The following CDH17 variants were observed in gnomAD, a reference collection of about 807,000 sequenced individuals.
CDH17 encodes cadherin-17.
Under a neutral mutation model 86.3 loss-of-function variants are expected in CDH17, and 67 were observed. The observed-to-expected ratio is 0.78, with a 90% confidence interval of 0.64 to 0.95. The LOEUF (loss-of-function observed/expected upper bound fraction) is 0.95, where lower values mean the gene tolerates loss of function less well. CDH17 is among the 40% of genes least tolerant of loss of function. CDH17 has a pLI of 0.00. For missense variants in CDH17, 993 were observed against 1,017.6 expected (o/e 0.98, Z 0.33); for synonymous variants, 367 against 366.4 (o/e 1.00, Z -0.02).
intron 1 of CDH17, among the ~76,000 whole-genome samples, chr8:94,207,445 G>A (rs1351998632): frequency 6.6e-6 from 1 of 152,170 alleles, no homozygotes; most frequent in African/African-American, 2.4e-5. Context: ...TGTGCCCACA[G>A]GTTGGAAAAT....
chr8:94,151,209 A>G (rs1812848852), intron 13 of CDH17, among the ~76,000 whole-genome samples: 1 of 152,110 alleles, frequency 6.6e-6, no homozygotes, highest in African/African-American at 2.4e-5. Context: ...TAGATATTAT[A>G]CAGATATATA....
At chr8:94,182,818 A>G (rs918641319) in intron 3 of CDH17, among the ~76,000 whole-genome samples, 5 of 152,122 alleles carry the variant, frequency 3.3e-5, no homozygotes, top group African/African-American at 1.2e-4. Context: ...ATAAAAAAAT[A>G]AAACTATCAC....
chr8:94,177,499 G>T (rs1348107432), intron 4 of CDH17, 88 bp downstream of exon 4: 7 of 1,377,644 alleles, frequency 5.1e-6, no homozygotes, highest in African/African-American at 1.4e-5. Context: ...TGGATTCTGT[G>T]CAAGGAAGGA....
intron 15 of CDH17, among the ~76,000 whole-genome samples, chr8:94,145,611 T>A (rs1004254442): frequency 6.6e-6 from 1 of 152,188 alleles, no homozygotes; most frequent in Non-Finnish European, 1.5e-5. Flanking sequence ...TGAATATATA[T>A]ATCTATCTCA....
chr8:94,141,842 T>C (rs1485493156), intron 15 of CDH17, among the ~76,000 whole-genome samples: 1 of 152,026 alleles, frequency 6.6e-6, no homozygotes, highest in East Asian at 1.9e-4. Flanking sequence ...ATTTTTTTGG[T>C]AGAAAGGAAC....
intron 3 of CDH17, among the ~76,000 whole-genome samples, chr8:94,180,636 C>T (rs1275871822): frequency 6.6e-6 from 1 of 152,086 alleles, no homozygotes; most frequent in East Asian, 1.9e-4. Context: ...GTGGCTCATG[C>T]CTGTAATCCC....
In CDH17 at chr8:94,145,789, T is replaced by C. The variant is rs527409593; in HGVS notation, c.2167+139A>G. ...TTTTCCCCTCTGGAGTCCTTCCCTG[T>C]ACAAGCTTCCAAAGCATGAACTTCC... On this transcript the variant is annotated intron_variant, in intron 15 of 17. Transcript: ENST00000027335. 129 of 947,446 alleles carry C rather than the reference T, an allele frequency of 1.4e-4. No homozygotes were observed. The African/African-American group carries it at 1.8e-3, about 13-fold the overall frequency. 58.7% of individuals were successfully genotyped at this position (947,446 alleles called of 1,614,324 possible).
intron 3 of CDH17, among the ~76,000 whole-genome samples, chr8:94,186,870 G>C (rs1323481507): frequency 6.6e-6 from 1 of 152,164 alleles, no homozygotes; most frequent in Non-Finnish European, 1.5e-5. Context: ...AGTCCAGCCC[G>C]TGCTGACCTC....
Position 94,152,018 on chromosome 8 carries a change from G to A in CDH17, c.1646C>T (p.Ser549Phe). The A allele has an allele frequency of 6.2e-7, 1 of 1,614,180 alleles. No homozygotes were observed. Among genetic ancestry groups the A allele is most frequent in the Non-Finnish European group, 8.5e-7 (1 of 1,180,018 alleles). The change falls in exon 13 of 18, where the codon TCT (serine) becomes TTT (phenylalanine). Residue 549 changes from serine to phenylalanine, a missense_variant. Ser to Phe is a radical substitution (Grantham distance 155). Transcript: ENST00000027335. ...CACAATAAGCGTGAACTTGGCAAAA[G>A]AACTTGCATTGTACTTCACACCAAA... The part of the protein sequence containing the change: ...LVFGVKYNAS[S>F]FAKFTLIVTD...
intron 2 of CDH17, among the ~76,000 whole-genome samples, chr8:94,190,361 C>G (rs1415503738): frequency 1.3e-5 from 2 of 152,186 alleles, no homozygotes; most frequent in Admixed American, 1.3e-4. Flanking sequence ...GAGTGTGACT[C>G]CCACCATTCC....
chr8:94,176,640 G>A lies in CDH17; in HGVS notation c.325C>T (p.Pro109Ser). 1 of 1,613,532 alleles carries A rather than the reference G, an allele frequency of 6.2e-7. No homozygotes were observed. Among genetic ancestry groups the A allele is most frequent in the Non-Finnish European group, 8.5e-7 (1 of 1,179,662 alleles). The change falls in exon 5 of 18, where the codon CCA (proline) becomes TCA (serine). Residue 109 changes from proline to serine, a missense_variant. Transcript: ENST00000027335. Reference protein sequence around the residue: ...LDANGIIVEGPVPITIKVKDI... With the variant: ...LDANGIIVEGSVPITIKVKDI... Reference sequence around the variant, plus strand: ...TTCACTTTTATGGTGATAGGGACTGGACCCTCCACTATAATTCCATTAGCG... The same window carrying A: ...TTCACTTTTATGGTGATAGGGACTGAACCCTCCACTATAATTCCATTAGCG...
At chr8:94,135,844 G>A (rs1191580242) in intron 15 of CDH17, among the ~76,000 whole-genome samples, 1 of 152,116 alleles carries the variant, frequency 6.6e-6, no homozygotes, top group African/African-American at 2.4e-5. Flanking sequence ...TGTAAGGCAG[G>A]CCTGGTGGTG....
At chr8:94,161,972 G>A (rs1027230605) in intron 11 of CDH17, 114 bp downstream of exon 11, 2 of 669,964 alleles carry the variant, frequency 3.0e-6, no homozygotes, top group Non-Finnish European at 5.3e-6. Context: ...ACTGACCAAG[G>A]TTACCTGTTA....
chr8:94,190,799 C>A (rs1258930161), intron 2 of CDH17, among the ~76,000 whole-genome samples: 1 of 152,094 alleles, frequency 6.6e-6, no homozygotes, highest in Non-Finnish European at 1.5e-5. Flanking sequence ...CTGGGAATAC[C>A]CAAAAGCCAT....
intron 13 of CDH17, among the ~76,000 whole-genome samples, chr8:94,150,512 T>C (rs1381034535): frequency 6.6e-6 from 1 of 152,220 alleles, no homozygotes; most frequent in African/African-American, 2.4e-5. Context: ...ACTGGAGTCA[T>C]CCTTAATTCT....
chr8:94,129,486 G>T (rs566812639), intron 17 of CDH17, among the ~76,000 whole-genome samples: 2 of 152,254 alleles, frequency 1.3e-5, no homozygotes, highest in Non-Finnish European at 2.9e-5. Context: ...TCAGAGTCCA[G>T]TGTGACACAC....
rs565966037 is a variant in CDH17 at position 94,174,297 on chromosome 8, A to AG, written c.425-38dup. Reference sequence around the variant, plus strand: ...GACGTACCCAGAAAAAAAAAAAAAAAGATATTAATTGAAACCCAAACCAAC... The same window carrying AG: ...GACGTACCCAGAAAAAAAAAAAAAAAGGATATTAATTGAAACCCAAACCAAC... On this transcript the variant is annotated intron_variant, in intron 5 of 17. Coordinates refer to ENST00000027335, the MANE Select transcript of CDH17 (RefSeq NM_004063.4). The AG allele has an allele frequency of 1.1e-3, 1,707 of 1,516,420 alleles. 8 individuals carry two copies. The African/African-American group carries it at 0.022, about 19-fold the overall frequency. The allele number at this position is 1,516,420 out of a possible 1,614,324, so 93.9% of individuals were successfully genotyped here.
chr8:94,194,816 T>C (rs1426734761), intron 1 of CDH17, 111 bp from the exon 2 acceptor site: 1 of 646,454 alleles, frequency 1.5e-6, no homozygotes, highest in East Asian at 2.7e-5. Flanking sequence ...AGTAAAATGG[T>C]ATCCCAAAAG....
At chr8:94,186,167 C>T (rs1813576623) in intron 3 of CDH17, among the ~76,000 whole-genome samples, 3 of 152,090 alleles carry the variant, frequency 2.0e-5, no homozygotes, top group Admixed American at 2.0e-4. Context: ...CTGTCTGAGA[C>T]CTCTCCACCT....
Sources: gnomAD v4.1 joint callset for allele counts (sites outside exome capture counted in the v4.1 genomes callset) on GRCh38, gnomAD v4.1.1 for gene constraint, MANE v1.5 for transcripts, NCBI Gene and HGNC (gene_info 2026-07-23, HGNC 2026-07-21) for gene names.